The following LAMA2 variants were observed in gnomAD, a reference collection of about 807,000 sequenced individuals.
LAMA2 encodes the protein laminin subunit alpha-2.
Under a neutral mutation model 364.8 loss-of-function variants are expected in LAMA2, and 269 were observed. The ratio of observed to expected loss-of-function variants is 0.74; its 90% CI spans 0.67 to 0.82. LAMA2 has a LOEUF of 0.82. Among genes scored for constraint, LAMA2 ranks in the 40% least tolerant of loss-of-function variants. LAMA2 has a pLI of 0.00. For missense variants in LAMA2, 3,807 were observed against 3,873.2 expected (o/e 0.98, Z 0.45); for synonymous variants, 1,379 against 1,370.6 (o/e 1.01, Z -0.14).
At chr6:129,122,514 A>G (rs1776856681) in intron 4 of LAMA2, among the ~76,000 whole-genome samples, 2 of 152,238 alleles carry the variant, frequency 1.3e-5, no homozygotes, top group African/African-American at 2.4e-5. Context: ...GAGACCCTGT[A>G]TCACTAGACA....
chr6:129,017,531 A>G (rs1026076499), intron 1 of LAMA2, among the ~76,000 whole-genome samples: 1 of 152,050 alleles, frequency 6.6e-6, no homozygotes, highest in Non-Finnish European at 1.5e-5. Flanking sequence ...AAGGCCTAGC[A>G]AAGTTTTATT....
At chr6:129,464,564 A>T (rs112649944) in intron 50 of LAMA2, 112 bp downstream of exon 50, 1 of 961,504 alleles carries the variant, frequency 1.0e-6, no homozygotes, top group African/African-American at 1.6e-5. Context: ...TTTTCTAAAA[A>T]GCCTGGGATG....
chr6:129,400,859 T>C (rs1779927857), intron 37 of LAMA2, among the ~76,000 whole-genome samples: 2 of 152,234 alleles, frequency 1.3e-5, no homozygotes, highest in African/African-American at 2.4e-5. Flanking sequence ...TACTCATTTG[T>C]ATATAGATTC....
chr6:129,152,968 G>T (rs947620845), intron 7 of LAMA2, among the ~76,000 whole-genome samples: 2 of 151,704 alleles, frequency 1.3e-5, no homozygotes, highest in Non-Finnish European at 2.9e-5. Context: ...TGAGCTGTAT[G>T]CATACAAGCA....
At chr6:129,426,298 C>G (rs1040105187) in intron 40 of LAMA2, among the ~76,000 whole-genome samples, 2 of 152,126 alleles carry the variant, frequency 1.3e-5, no homozygotes, top group Non-Finnish European at 1.5e-5. Flanking sequence ...TTCACACATT[C>G]TTTCATTGTA....
At chr6:129,213,582 T>A (rs1346050193) in intron 12 of LAMA2, among the ~76,000 whole-genome samples, 1 of 152,222 alleles carries the variant, frequency 6.6e-6, no homozygotes, top group African/African-American at 2.4e-5. Context: ...AATAGATATG[T>A]AGTGGTATAT....
chr6:129,048,386 G>A (rs1002058977), intron 1 of LAMA2, among the ~76,000 whole-genome samples: 6 of 151,984 alleles, frequency 3.9e-5, no homozygotes, highest in African/African-American at 1.4e-4. Context: ...CAAGATCTAG[G>A]GATCTCAGTA....
At chr6:129,078,511 A>G (rs904402537) in intron 3 of LAMA2, among the ~76,000 whole-genome samples, 1 of 152,172 alleles carries the variant, frequency 6.6e-6, no homozygotes, top group African/African-American at 2.4e-5. Context: ...AAAAAATAAA[A>G]GAAACTCTAT....
chr6:129,405,264 G>C (rs1438077196), intron 40 of LAMA2, among the ~76,000 whole-genome samples: 1 of 151,992 alleles, frequency 6.6e-6, no homozygotes, highest in Non-Finnish European at 1.5e-5. Flanking sequence ...CATTATAATT[G>C]ACACCTTTTA....
intron 12 of LAMA2, among the ~76,000 whole-genome samples, chr6:129,196,661 C>A (rs1239875788): frequency 6.6e-6 from 1 of 152,154 alleles, no homozygotes; most frequent in East Asian, 1.9e-4. Flanking sequence ...TCCATAACTT[C>A]CTCCTATTTA....
chr6:129,257,681 C>T (rs1166746763), intron 14 of LAMA2, among the ~76,000 whole-genome samples: 3 of 151,960 alleles, frequency 2.0e-5, no homozygotes, highest in Non-Finnish European at 4.4e-5. Context: ...TCATCTAATT[C>T]TGAAATTAAA....
intron 12 of LAMA2, among the ~76,000 whole-genome samples, chr6:129,216,867 G>A (rs1485536203): frequency 6.6e-6 from 1 of 152,078 alleles, no homozygotes; most frequent in Admixed American, 6.6e-5. Flanking sequence ...TTAGATCTTG[G>A]AGCAAGAAGG....
intron 4 of LAMA2, among the ~76,000 whole-genome samples, chr6:129,124,062 A>T (rs1181199965): frequency 2.6e-5 from 4 of 152,176 alleles, no homozygotes; most frequent in African/African-American, 9.7e-5. Context: ...CAACCTCAAC[A>T]TGTTTTTTTT....
rs554941209 is a variant in LAMA2, at chr6:128,998,201, G to A, written c.113-51717G>A. ...ATAAGGAGAGGTAGGAAGGAAGATG[G>A]CGAACCAGAAAGTAAGTCATTAATA... is the stretch of plus-strand genomic sequence containing the variant. On this transcript the variant is annotated intron_variant, in intron 1 of 64. Coordinates refer to ENST00000421865, the MANE Select transcript of LAMA2 (RefSeq NM_000426.4). 2.0e-5 allele frequency among the ~76,000 whole-genome samples: 3 copies of A among 152,272 alleles called. No individual in the cohort carries two copies. The South Asian group carries it at 6.2e-4, about 32-fold the overall frequency.
At chr6:129,288,102 G>A (rs757262382) in intron 19 of LAMA2, 44 bp downstream of exon 19, 26 of 1,498,778 alleles carry the variant, frequency 1.7e-5, no homozygotes, top group Admixed American at 3.3e-5. Context: ...TTGATGTATT[G>A]TACCTCAAAG....
chr6:129,272,052 T>C (rs566290280), intron 17 of LAMA2, among the ~76,000 whole-genome samples: 1 of 152,298 alleles, frequency 6.6e-6, no homozygotes, highest in African/African-American at 2.4e-5. Flanking sequence ...TTTTTTACCT[T>C]ACTCATTGTT....
chr6:129,288,232 T>C (rs1359310653), intron 19 of LAMA2, among the ~76,000 whole-genome samples, 174 bp downstream of exon 19: 3 of 152,178 alleles, frequency 2.0e-5, no homozygotes, highest in Admixed American at 2.0e-4. Flanking sequence ...TACTAACTAA[T>C]AGAGTAAATA....
intron 8 of LAMA2, chr6:129,158,821 A>G (rs1779284786): frequency 1.2e-6 from 2 of 1,614,142 alleles, no homozygotes; most frequent in Non-Finnish European, 1.7e-6. Flanking sequence ...CATATTTCAT[A>G]CACCCTGAAG....
intron 14 of LAMA2, among the ~76,000 whole-genome samples, chr6:129,254,009 C>G (rs774603846): frequency 4.6e-5 from 7 of 152,216 alleles, no homozygotes; most frequent in Non-Finnish European, 7.3e-5. Flanking sequence ...CGGCATGAAT[C>G]TGGAGTCAGT....
Sources: gnomAD v4.1 joint callset for allele counts (sites outside exome capture counted in the v4.1 genomes callset) on GRCh38, gnomAD v4.1.1 for gene constraint, MANE v1.5 for transcripts, NCBI Gene and HGNC (gene_info 2026-07-23, HGNC 2026-07-21) for gene names.